MCF2L2: variants seen among roughly 807,000 people sequenced by gnomAD.
MCF2L2 encodes the protein MCF.2 cell line derived transforming sequence-like 2.
MCF2L2 carries 102 observed loss-of-function variants against 150.2 expected under a neutral mutation model. The ratio of observed to expected loss-of-function variants is 0.68; its 90% confidence interval spans 0.58 to 0.80. MCF2L2 has a LOEUF of 0.80. Among genes scored for constraint, MCF2L2 ranks in the 30% least tolerant of loss-of-function variants. MCF2L2 has a pLI of 0.00. For synonymous variants in MCF2L2, 465 were observed against 491.3 expected (o/e 0.95, Z 0.71); for missense variants, 1,256 against 1,372.8 (o/e 0.91, Z 1.34).
chr3:183,382,625 A>C (rs1713599748), intron 2 of MCF2L2, among the ~76,000 whole-genome samples: 1 of 152,232 alleles, frequency 6.6e-6, no homozygotes, highest in African/African-American at 2.4e-5. Context: ...GGAAGAAAGA[A>C]TAATTATTCC....
intron 14 of MCF2L2, among the ~76,000 whole-genome samples, chr3:183,280,358 C>A (rs1037053959): frequency 2.0e-5 from 3 of 151,764 alleles, no homozygotes; most frequent in African/African-American, 7.3e-5. Flanking sequence ...CATATAAACC[C>A]TTTTTAAACT....
At chr3:183,239,869 G>T (rs999462390) in intron 15 of MCF2L2, among the ~76,000 whole-genome samples, 3 of 152,116 alleles carry the variant, frequency 2.0e-5, no homozygotes, top group Non-Finnish European at 4.4e-5. Flanking sequence ...ATTGCCAATG[G>T]TCTATATCAT....
At chr3:183,289,787 C>T (rs1426825505) in intron 13 of MCF2L2, among the ~76,000 whole-genome samples, 1 of 152,180 alleles carries the variant, frequency 6.6e-6, no homozygotes, top group Non-Finnish European at 1.5e-5. Flanking sequence ...ACCTGGGAGG[C>T]GGAGGTTGCG....
intron 15 of MCF2L2, among the ~76,000 whole-genome samples, chr3:183,274,414 A>C (rs1560395590): frequency 6.6e-6 from 1 of 152,192 alleles, no homozygotes; most frequent in African/African-American, 2.4e-5. Context: ...AATATCAGGA[A>C]TGCCCTTACA....
At chr3:183,380,822 T>C (rs1373567549) in intron 2 of MCF2L2, among the ~76,000 whole-genome samples, 1 of 152,192 alleles carries the variant, frequency 6.6e-6, no homozygotes. Context: ...TGCAAATCAA[T>C]GTGGAACAAG....
chr3:183,295,500 T>C (rs768240373), intron 12 of MCF2L2, 23 bp from the exon 13 acceptor site: 5 of 1,611,814 alleles, frequency 3.1e-6, no homozygotes, highest in Non-Finnish European at 4.2e-6. Flanking sequence ...AAGCAAATCA[T>C]GATGAACAGG....
intron 1 of MCF2L2, chr3:183,400,620 C>T (rs1020886949): frequency 2.8e-6 from 1 of 357,132 alleles, no homozygotes; most frequent in Non-Finnish European, 5.6e-6. Flanking sequence ...ATTTCGTGGC[C>T]GAGAGTTGAT....
intron 1 of MCF2L2, among the ~76,000 whole-genome samples, chr3:183,390,266 C>T (rs1227094807): frequency 6.6e-6 from 1 of 152,172 alleles, no homozygotes; most frequent in Non-Finnish European, 1.5e-5. Context: ...TCCTCCCCTA[C>T]TTATCTCCAT....
Position 183,318,102 on chromosome 3 carries a change from AGAAGGT to A in MCF2L2, c.713_718del (p.Asp238_Leu240delinsVal), listed in dbSNP as rs1373162298. On this transcript the variant is annotated inframe_deletion, in exon 7 of 30. Coordinates refer to ENST00000328913, the MANE Select transcript of MCF2L2 (RefSeq NM_015078.4). ...GTCCCGCTGCCTTGTGTGGGACATG[AGAAGGT>A]CTTCCGTGGATAGCATGCTTCTGGG... 6.2e-7 allele frequency: 1 copy of A among 1,614,138 alleles called. No homozygotes were observed. Among genetic ancestry groups the A allele is most frequent in the Non-Finnish European group, 8.5e-7 (1 of 1,180,008 alleles).
At chr3:183,381,293 T>C (rs371973045) in intron 2 of MCF2L2, among the ~76,000 whole-genome samples, 3 of 152,112 alleles carry the variant, frequency 2.0e-5, no homozygotes, top group South Asian at 2.1e-4. Context: ...ACGAAGAAAC[T>C]ATAGAAGAGG....
Position 183,181,056 on chromosome 3 carries a change from G to C in MCF2L2, c.3017-897C>G, listed in dbSNP as rs1346356349. On this transcript the variant is annotated intron_variant, in intron 27 of 29. Transcript: ENST00000328913. The surrounding 1 kb of genome is among the most constrained non-coding windows in gnomAD (Gnocchi z 4.3). ...GAGTAGTCTACGCGGCGGGAGCCGT[G>C]CTAGGAAAGTGTCTGCTCAGGCGAG... Among the ~76,000 whole-genome samples, 1 of 152,218 alleles carries C rather than the reference G, an allele frequency of 6.6e-6. No individual in the cohort carries two copies. Among genetic ancestry groups the C allele is most frequent in the Non-Finnish European group, 1.5e-5 (1 of 68,038 alleles).
intron 1 of MCF2L2, among the ~76,000 whole-genome samples, chr3:183,421,262 C>T (rs939650723): frequency 6.6e-6 from 1 of 152,128 alleles, no homozygotes. Context: ...ACTTTTTCTG[C>T]TCCTCCTGTA....
intron 27 of MCF2L2, among the ~76,000 whole-genome samples, chr3:183,184,006 T>G (rs1343728430): frequency 6.6e-6 from 1 of 151,904 alleles, no homozygotes; most frequent in South Asian, 2.1e-4. Flanking sequence ...AAAACTGTTT[T>G]GTTTTGTTTT....
intron 26 of MCF2L2, 78 bp downstream of exon 26, chr3:183,195,144 T>A (rs926736922): frequency 1.7e-6 from 2 of 1,172,778 alleles, no homozygotes; most frequent in South Asian, 1.5e-5. Flanking sequence ...AGAAAAGCAA[T>A]AAAAGCAATG....
chr3:183,193,357 C>CTTTTTTTTTTT (rs765523814), intron 26 of MCF2L2, among the ~76,000 whole-genome samples: 2 of 139,452 alleles, frequency 1.4e-5, no homozygotes, highest in Admixed American at 7.2e-5. Context: ...CTTTTTCTTT[C>CTTTTTTTTTTT]TTTTTTTTTT....
intron 26 of MCF2L2, 37 bp downstream of exon 26, chr3:183,195,185 T>C (rs760787190): frequency 6.5e-7 from 1 of 1,535,748 alleles, no homozygotes; most frequent in South Asian, 1.2e-5. Flanking sequence ...ATCCAAAGCA[T>C]TTGACATGCC....
chr3:183,289,792 G>T (rs1364024912), intron 13 of MCF2L2, among the ~76,000 whole-genome samples: 1 of 152,214 alleles, frequency 6.6e-6, no homozygotes, highest in Non-Finnish European at 1.5e-5. Flanking sequence ...GGAGGCGGAG[G>T]TTGCGGTGAG....
At chr3:183,257,247 A>T (rs1401495534) in intron 15 of MCF2L2, among the ~76,000 whole-genome samples, 1 of 152,218 alleles carries the variant, frequency 6.6e-6, no homozygotes, top group Admixed American at 6.5e-5. Flanking sequence ...TGTGACTAGT[A>T]AATGGAGAGG....
chr3:183,314,880 T>C (rs6443866), intron 7 of MCF2L2, among the ~76,000 whole-genome samples: 15,514 of 58,262 alleles, frequency 0.27, 2,046 homozygotes, highest in African/African-American at 0.35. Flanking sequence ...TTAATACAAG[T>C]TTAAACAGTA....
Sources: gnomAD v4.1 joint callset for allele counts (sites outside exome capture counted in the v4.1 genomes callset) on GRCh38, gnomAD v4.1.1 for gene constraint, Gnocchi (gnomAD v3.1) non-coding constraint, MANE v1.5 for transcripts, NCBI Gene and HGNC (gene_info 2026-07-23, HGNC 2026-07-21) for gene names.